THSD4: variants seen among roughly 807,000 people sequenced by gnomAD.
THSD4 encodes the protein thrombospondin type 1 domain containing 4.
Under a neutral mutation model 119.0 loss-of-function variants are expected in THSD4, and 69 were observed. The ratio of observed to expected loss-of-function variants is 0.58; its 90% CI spans 0.48 to 0.71. THSD4 has a LOEUF of 0.71. Ranked by LOEUF, THSD4 falls within the 30% of genes least tolerant of loss-of-function variation. THSD4 has a pLI of 0.00. For synonymous variants in THSD4, 524 were observed against 540.4 expected (o/e 0.97, Z 0.42); for missense variants, 1,393 against 1,391.1 (o/e 1.00, Z -0.02).
intron 7 of THSD4, among the ~76,000 whole-genome samples, chr15:71,563,630 A>G (rs2049170499): frequency 6.6e-6 from 1 of 152,188 alleles, no homozygotes; most frequent in African/African-American, 2.4e-5. Context: ...CAGTAAAGAA[A>G]AAGTCCACAT....
intron 6 of THSD4, among the ~76,000 whole-genome samples, chr15:71,341,880 ATGCTC>A (rs2140390730): frequency 6.6e-6 from 1 of 152,176 alleles, no homozygotes; most frequent in South Asian, 2.1e-4. Context: ...AATGACCTTA[ATGCTC>A]TAACGATTTT....
At chr15:71,201,717 G>A (rs1397783311) in intron 3 of THSD4, among the ~76,000 whole-genome samples, 11 of 152,198 alleles carry the variant, frequency 7.2e-5, no homozygotes, top group Admixed American at 7.2e-4. Context: ...GGTTTTTAAT[G>A]GGCTGTAAGC....
At chr15:71,110,664 T>TGG, upstream of THSD4, 1 of 164,126 alleles carries the variant, frequency 6.1e-6, no homozygotes, top group Admixed American at 5.5e-5. Flanking sequence ...CAGTGTCCTG[T>TGG]ATCTGCTCTC....
chr15:71,416,663 C>T (rs11635325), intron 7 of THSD4, among the ~76,000 whole-genome samples: 47,703 of 105,714 alleles, frequency 0.45, 20,285 homozygotes, highest in Non-Finnish European at 0.62. Flanking sequence ...TTATTGAAAT[C>T]GCTTGCCCAT....
intron 7 of THSD4, among the ~76,000 whole-genome samples, chr15:71,457,677 T>C (rs2047359993): frequency 6.6e-6 from 1 of 152,172 alleles, no homozygotes; most frequent in Admixed American, 6.5e-5. Context: ...GGCTCACTCA[T>C]TCACTTCTTC....
chr15:71,245,110 G>A (rs1266482487), intron 5 of THSD4, among the ~76,000 whole-genome samples: 1 of 152,162 alleles, frequency 6.6e-6, no homozygotes, highest in Non-Finnish European at 1.5e-5. Flanking sequence ...GGAAATTCTC[G>A]TGAGGTCATG....
intron 8 of THSD4, among the ~76,000 whole-genome samples, chr15:71,695,452 T>C (rs573405991): frequency 1.3e-5 from 2 of 152,034 alleles, no homozygotes; most frequent in South Asian, 2.1e-4. Context: ...AGGCATTAGA[T>C]TTTTTGTTAA....
intron 7 of THSD4, among the ~76,000 whole-genome samples, chr15:71,492,433 T>TTTGTTG (rs56285619): frequency 1.2e-4 from 18 of 150,900 alleles, no homozygotes; most frequent in South Asian, 4.2e-4. Context: ...CCCATCTATT[T>TTTGTTG]TTGTTGTTGT....
At chr15:71,724,410 C>T (rs2052794776) in intron 8 of THSD4, among the ~76,000 whole-genome samples, 3 of 151,214 alleles carry the variant, frequency 2.0e-5, no homozygotes, top group Non-Finnish European at 4.4e-5. Flanking sequence ...CTCAGCCTCC[C>T]AAGTAGCTGG....
intron 6 of THSD4, among the ~76,000 whole-genome samples, chr15:71,284,957 A>G (rs1046232586): frequency 2.6e-5 from 4 of 152,116 alleles, no homozygotes; most frequent in African/African-American, 7.2e-5. Context: ...TTTTATTGCA[A>G]TGTTTCTACA....
Position 71,306,369 on chromosome 15 carries a change from T to C in THSD4, c.1015+49654T>C, listed in dbSNP as rs922088503. Among the ~76,000 whole-genome samples, 3 of 150,460 alleles carry C rather than the reference T, an allele frequency of 2.0e-5. No homozygotes were observed. The East Asian group carries it at 5.8e-4, about 29-fold the overall frequency. On this transcript the variant is annotated intron_variant, in intron 6 of 17. Transcript: ENST00000261862. Reference sequence around the variant, plus strand: ...TGGTATTATATATTTTTTGATGCCTTCTCTTATGGCCAGTATCTTACTAAA... The same window carrying C: ...TGGTATTATATATTTTTTGATGCCTCCTCTTATGGCCAGTATCTTACTAAA...
intron 7 of THSD4, among the ~76,000 whole-genome samples, chr15:71,581,937 G>T (rs907977180): frequency 6.6e-6 from 1 of 152,144 alleles, no homozygotes; most frequent in Non-Finnish European, 1.5e-5. Context: ...TTTGAAACCA[G>T]AAAGTGTGAT....
intron 7 of THSD4, among the ~76,000 whole-genome samples, chr15:71,448,517 T>A (rs1205973557): frequency 6.6e-6 from 1 of 152,220 alleles, no homozygotes; most frequent in Non-Finnish European, 1.5e-5. Context: ...AAGTAATGCC[T>A]AGTATGGAGT....
chr15:71,303,516 T>C (rs1360163887), intron 6 of THSD4, among the ~76,000 whole-genome samples: 1 of 152,218 alleles, frequency 6.6e-6, no homozygotes, highest in East Asian at 1.9e-4. Flanking sequence ...AGATTTCTGC[T>C]TGTTTCTTTT....
chr15:71,418,387 T>G lies in THSD4; in HGVS notation c.1152+6564T>G, dbSNP rs561247827. On this transcript the variant is annotated intron_variant, in intron 7 of 17. Transcript: ENST00000261862. ...TTTCTCTATTCAGTATGAAACTGGCTGTGGGTCTGTCATATATGACTTAAT... is the reference window on the plus strand; with the variant it reads ...TTTCTCTATTCAGTATGAAACTGGCGGTGGGTCTGTCATATATGACTTAAT... Among the ~76,000 whole-genome samples the G allele has an allele frequency of 6.6e-4, 72 of 108,982 alleles. 18 individuals carry two copies. The highest frequency in any genetic ancestry group is 2.2e-3 in the African/African-American group (70 of 32,132). The allele number at this position is 108,982 out of a possible 152,430, so 71.5% of individuals were successfully genotyped here.
At chr15:71,391,230 C>T (rs960735001) in intron 6 of THSD4, among the ~76,000 whole-genome samples, 2 of 152,056 alleles carry the variant, frequency 1.3e-5, no homozygotes, top group Non-Finnish European at 2.9e-5. Context: ...GGGGTTTCAC[C>T]GTGTTAGCCA....
intron 8 of THSD4, among the ~76,000 whole-genome samples, chr15:71,668,028 C>T (rs1007296234): frequency 6.6e-6 from 1 of 151,894 alleles, no homozygotes; most frequent in Non-Finnish European, 1.5e-5. Context: ...TACATATAAG[C>T]CTATGTTATT....
chr15:71,099,406 A>T (rs2141338168), intron 1 of THSD4, among the ~76,000 whole-genome samples: 1 of 152,210 alleles, frequency 6.6e-6, no homozygotes, highest in Non-Finnish European at 1.5e-5. Flanking sequence ...TCATTTCTCC[A>T]TTCAGTTCTA....
chr15:71,613,218 A>G lies in THSD4; in HGVS notation c.1153-47312A>G, dbSNP rs566027481. On this transcript the variant is annotated intron_variant, in intron 7 of 17. Coordinates refer to ENST00000261862, the MANE Select transcript of THSD4 (RefSeq NM_024817.3). ...AAGAGTTTTATATGGAAGTAAATTC[A>G]AGAAATGCCGTGTATTATGTGCCCC... Among the ~76,000 whole-genome samples, 5 of 152,330 alleles carry G rather than the reference A, an allele frequency of 3.3e-5. No individual in the cohort carries two copies. In the East Asian group the frequency reaches 7.7e-4, roughly 24 times the overall value.
Sources: allele counts gnomAD v4.1 joint callset (sites outside exome capture counted in the v4.1 genomes callset), GRCh38; gene constraint gnomAD v4.1.1; transcripts MANE v1.5; gene names NCBI Gene and HGNC (gene_info 2026-07-23, HGNC 2026-07-21).